Variants in OSBPL6 observed in about 807,000 individuals in gnomAD.
OSBPL6 encodes the protein oxysterol-binding protein-related protein 6.
A neutral mutation model predicts 125.8 loss-of-function variants in OSBPL6; 49 were observed. That is an observed-to-expected ratio of 0.39 (90% CI 0.31 to 0.49). OSBPL6 has a LOEUF of 0.49. OSBPL6 is among the 20% of genes least tolerant of loss of function. The pLI is 0.88. For synonymous variants in OSBPL6, 394 were observed against 391.8 expected, an observed-to-expected ratio of 1.01 and a Z score of -0.07; for missense variants, 986 against 1,135.4, an observed-to-expected ratio of 0.87 and a Z score of 1.89.
At chr2:178,376,062 T>C (rs894996154) in intron 15 of OSBPL6, among the ~76,000 whole-genome samples, 1 of 151,908 alleles carries the variant, frequency 6.6e-6, no homozygotes, top group Non-Finnish European at 1.5e-5. Context: ...GCATCATGAG[T>C]TTATCAGACC....
At chr2:178,214,465 C>T (rs334022) in intron 1 of OSBPL6, among the ~76,000 whole-genome samples, 129 of 152,264 alleles carry the variant, frequency 8.5e-4, no homozygotes, top group African/African-American at 3.0e-3. Flanking sequence ...AAAATCAATC[C>T]GTAGGACAGG....
chr2:178,395,884 T>A lies in OSBPL6; in HGVS notation c.*325T>A. The A allele has an allele frequency of 2.4e-6, 1 of 409,566 alleles. No homozygotes were observed. 25.4% of individuals were successfully genotyped at this position (409,566 alleles called of 1,614,324 possible). A position where few individuals can be genotyped will look rare whatever the true frequency, so the allele number is the denominator to read the frequency against. On this transcript the variant is annotated 3_prime_UTR_variant, in exon 25 of 25. Coordinates refer to ENST00000190611, the MANE Select transcript of OSBPL6 (RefSeq NM_032523.4). Reference sequence around the variant, plus strand: ...CCAGTTTGTAAAGAAAAACAAATGGTAACTGGTGCTTAAAGCTGATCAAGA... The same window carrying A: ...CCAGTTTGTAAAGAAAAACAAATGGAAACTGGTGCTTAAAGCTGATCAAGA...
At position 178,336,426 on chromosome 2, in the gene OSBPL6, T is replaced by G. The variant is rs1689689457; in HGVS notation, c.783T>G (p.Cys261Trp). Residue 261 changes from cysteine (C) to tryptophan (W), a missense_variant, in exon 9 of 25, where the codon TGT becomes TGG. Around this residue, in one of 3 missense-constraint regions of OSBPL6, gnomAD observed 843 missense variants for 997.3 expected, o/e 0.85. Coordinates refer to ENST00000190611, the MANE Select transcript of OSBPL6 (RefSeq NM_032523.4). The part of the protein sequence containing the change: ...WLQDSEEMDR[C>W]AEDLAHCQSN... ...AGGACTCGGAAGAGATGGACAGGTGTGCAGAAGGTTAGTTCTTGCCCAGTG... is the reference window on the plus strand; with the variant it reads ...AGGACTCGGAAGAGATGGACAGGTGGGCAGAAGGTTAGTTCTTGCCCAGTG... 5 of 1,613,920 alleles carry G rather than the reference T, an allele frequency of 3.1e-6. No homozygotes were observed. The East Asian group carries it at 1.1e-4, about 36-fold the overall frequency.
chr2:178,331,623 C>T lies in OSBPL6; in HGVS notation c.372+18C>T. On this transcript the variant is annotated intron_variant, in intron 6 of 24. Coordinates refer to ENST00000190611, the MANE Select transcript of OSBPL6 (RefSeq NM_032523.4). ...CACTCGATGTAAGTAGCACACAGGA[C>T]ATGTTTCAAAGGTTGATTTCGAATT... 1.9e-6 allele frequency: 3 copies of T among 1,613,254 alleles called. No individual in the cohort carries two copies. The highest frequency in any genetic ancestry group is 2.5e-6 in the Non-Finnish European group (3 of 1,179,288).
In OSBPL6 at chr2:178,253,218, C is replaced by T. The variant is rs528920902; in HGVS notation, c.-350-31709C>T. On this transcript the variant is annotated intron_variant, in intron 1 of 24. Transcript: ENST00000190611. ...TGTATTTTTAGTACAGATGGGTTTT[C>T]ACCATGTTGGCCAGGCTGGTCTCGA... Among the ~76,000 whole-genome samples, 3 of 152,256 alleles carry T rather than the reference C, an allele frequency of 2.0e-5. No homozygotes were observed. The East Asian group carries it at 5.8e-4, about 29-fold the overall frequency.
chr2:178,247,088 C>A lies in OSBPL6; in HGVS notation c.-350-37839C>A, dbSNP rs190028628. Among the ~76,000 whole-genome samples, 329 of 140,378 alleles carry A rather than the reference C, an allele frequency of 2.3e-3. 2 individuals carry two copies. Among genetic ancestry groups the A allele is most frequent in the African/African-American group, 8.6e-3 (322 of 37,416 alleles). 92.1% of individuals were successfully genotyped at this position (140,378 alleles called of 152,430 possible). ...CCTTAAGCTTTTTAATAATTTCCTG[C>A]TTTTGTTGTTTTTCTTCTTTTCTTC... On this transcript the variant is annotated intron_variant, in intron 1 of 24. Coordinates refer to ENST00000190611, the MANE Select transcript of OSBPL6 (RefSeq NM_032523.4).
chr2:178,357,847 A>G (rs1008657090), intron 12 of OSBPL6, among the ~76,000 whole-genome samples: 3 of 152,242 alleles, frequency 2.0e-5, no homozygotes, highest in African/African-American at 7.2e-5. Flanking sequence ...ATGTCCATCA[A>G]TGATAGACTG....
At chr2:178,364,402 A>G (rs1390741152) in intron 13 of OSBPL6, among the ~76,000 whole-genome samples, 1 of 152,186 alleles carries the variant, frequency 6.6e-6, no homozygotes, top group East Asian at 1.9e-4. Flanking sequence ...AGTTGGACAG[A>G]TTCTTATGGT....
At chr2:178,357,932 C>T (rs1292809713) in intron 12 of OSBPL6, among the ~76,000 whole-genome samples, 2 of 152,144 alleles carry the variant, frequency 1.3e-5, no homozygotes, top group Non-Finnish European at 2.9e-5. Flanking sequence ...ATGTCCTTTG[C>T]AGGGACATGG....
intron 9 of OSBPL6, among the ~76,000 whole-genome samples, chr2:178,337,073 G>A (rs923180470): frequency 1.4e-4 from 22 of 151,772 alleles, no homozygotes; most frequent in African/African-American, 5.1e-4. Flanking sequence ...CACCTTCCTC[G>A]TAATTAGCCA....
chr2:178,336,454 G>A lies in OSBPL6; in HGVS notation c.790+21G>A, dbSNP rs777249752. On this transcript the variant is annotated intron_variant, in intron 9 of 24. Coordinates refer to ENST00000190611, the MANE Select transcript of OSBPL6 (RefSeq NM_032523.4). ...AGAAGGTTAGTTCTTGCCCAGTGTG[G>A]CCTGAGAGTAAGCCAAAACCAAACA... 5.6e-6 allele frequency: 9 copies of A among 1,610,898 alleles called. No homozygotes were observed. The African/African-American group carries it at 9.4e-5, about 17-fold the overall frequency.
chr2:178,265,027 C>A (rs2092184390), intron 1 of OSBPL6, among the ~76,000 whole-genome samples: 1 of 150,262 alleles, frequency 6.7e-6, no homozygotes, highest in Non-Finnish European at 1.5e-5. Flanking sequence ...GTAGCTAGTA[C>A]TGGCTGATTT....
At chr2:178,303,562 A>G (rs1280379948) in intron 2 of OSBPL6, among the ~76,000 whole-genome samples, 2 of 152,212 alleles carry the variant, frequency 1.3e-5, no homozygotes, top group East Asian at 1.9e-4. Flanking sequence ...TCTGATTAAT[A>G]TATCTGTATC....
rs962911086 is a variant in OSBPL6 at position 178,401,493 on chromosome 2, A to G, written c.*5934A>G. ...CCTGAGCCTAAAAGCCTTATTCCTT[A>G]TATCCGGAGCCTAAAAGTTTGCTCA... On this transcript the variant is annotated 3_prime_UTR_variant, in exon 25 of 25. Transcript: ENST00000190611. 35 of 152,234 alleles carry G rather than the reference A, an allele frequency of 2.3e-4. No individual in the cohort carries two copies. The highest frequency in any genetic ancestry group is 6.5e-4 in the African/African-American group (27 of 41,454). 9.4% of individuals were successfully genotyped at this position (152,234 alleles called of 1,614,324 possible).
At chr2:178,260,377 A>ATATGTATATGTATATGTG (rs1553536460) in intron 1 of OSBPL6, among the ~76,000 whole-genome samples, 24 of 151,956 alleles carry the variant, frequency 1.6e-4, no homozygotes, top group African/African-American at 5.8e-4. Flanking sequence ...ATGTATATGT[A>ATATGTATATGTATATGTG]TATGTGTATG....
At chr2:178,363,673 A>G (rs1692556841) in intron 13 of OSBPL6, among the ~76,000 whole-genome samples, 1 of 152,246 alleles carries the variant, frequency 6.6e-6, no homozygotes, top group African/African-American at 2.4e-5. Flanking sequence ...TGATAAAAGT[A>G]AAATAAAGCA....
At chr2:178,259,466 C>T (rs1409507845) in intron 1 of OSBPL6, among the ~76,000 whole-genome samples, 2 of 101,782 alleles carry the variant, frequency 2.0e-5, no homozygotes, top group African/African-American at 9.4e-5. Context: ...TTACTGTACC[C>T]AGAGCTTGCA....
chr2:178,281,188 T>G (rs2154030563), intron 1 of OSBPL6, among the ~76,000 whole-genome samples: 1 of 152,056 alleles, frequency 6.6e-6, no homozygotes, highest in East Asian at 1.9e-4. Context: ...ATTTTTGTAT[T>G]TTTTAGTAGA....
intron 1 of OSBPL6, among the ~76,000 whole-genome samples, chr2:178,235,382 C>CTT (rs1164427690): frequency 8.2e-6 from 1 of 122,620 alleles, no homozygotes; most frequent in Non-Finnish European, 1.8e-5. Context: ...TCTTTCTTTC[C>CTT]TTTTTCTTTT....
Sources: gnomAD v4.1 joint callset for allele counts (sites outside exome capture counted in the v4.1 genomes callset) on GRCh38, gnomAD v4.1.1 for gene constraint, gnomAD v4.1.1 regional missense constraint, MANE v1.5 for transcripts, NCBI Gene and HGNC (gene_info 2026-07-23, HGNC 2026-07-21) for gene names.